The following RIMS2 variants were observed in gnomAD, a reference collection of about 807,000 sequenced individuals.
The protein encoded by RIMS2 is regulating synaptic membrane exocytosis 2.
RIMS2 carries 59 observed loss-of-function variants against 174.4 expected under a neutral mutation model. The ratio of observed to expected loss-of-function variants is 0.34; its 90% confidence interval spans 0.27 to 0.42. The LOEUF is 0.42. Among genes scored for constraint, RIMS2 ranks in the 10% least tolerant of loss-of-function variants. The pLI, the probability that RIMS2 is intolerant of heterozygous loss-of-function variation, is 1.00. For missense variants in RIMS2, 1,620 were observed against 1,666.3 expected (o/e 0.97, Z 0.48); for synonymous variants, 606 against 572.5 (o/e 1.06, Z -0.84).
At chr8:103,856,261 A>T (rs553482252) in intron 3 of RIMS2, among the ~76,000 whole-genome samples, 4 of 152,168 alleles carry the variant, frequency 2.6e-5, no homozygotes, top group Non-Finnish European at 5.9e-5. Context: ...ACAGTGGTAC[A>T]GTGGTAAATC....
intron 16 of RIMS2, among the ~76,000 whole-genome samples, chr8:103,980,173 T>G (rs1476900477): frequency 6.6e-6 from 1 of 152,104 alleles, no homozygotes; most frequent in Non-Finnish European, 1.5e-5. Context: ...TTAAAGTGTC[T>G]CTTTCCTTCT....
chr8:103,661,445 T>C (rs901925752), intron 1 of RIMS2, among the ~76,000 whole-genome samples: 1 of 152,214 alleles, frequency 6.6e-6, no homozygotes, highest in South Asian at 2.1e-4. Context: ...ATATTAAAGC[T>C]AGTTGCTCTC....
chr8:103,774,854 G>A (rs1564587920), intron 3 of RIMS2, among the ~76,000 whole-genome samples: 1 of 151,964 alleles, frequency 6.6e-6, no homozygotes, highest in East Asian at 1.9e-4. Flanking sequence ...CTACTATAGC[G>A]GTAACGTTTA....
chr8:103,778,777 G>A (rs565413605), intron 3 of RIMS2, among the ~76,000 whole-genome samples: 1 of 152,178 alleles, frequency 6.6e-6, no homozygotes, highest in African/African-American at 2.4e-5. Context: ...CAGTAGTGCA[G>A]TTGCTGGATC....
chr8:103,541,579 G>T (rs1272642027), intron 1 of RIMS2, among the ~76,000 whole-genome samples: 1 of 152,152 alleles, frequency 6.6e-6, no homozygotes, highest in East Asian at 1.9e-4. Context: ...AAATGAGAAG[G>T]GTGCTAACTA....
At chr8:104,124,680 A>G (rs903394029) in intron 19 of RIMS2, among the ~76,000 whole-genome samples, 9 of 152,172 alleles carry the variant, frequency 5.9e-5, no homozygotes, top group African/African-American at 2.2e-4. Flanking sequence ...TGTATACTTC[A>G]TATGCTCTTC....
At chr8:104,054,889 A>G (rs1031820448) in intron 19 of RIMS2, among the ~76,000 whole-genome samples, 2 of 152,160 alleles carry the variant, frequency 1.3e-5, no homozygotes, top group African/African-American at 4.8e-5. Flanking sequence ...AATATTTTAT[A>G]ACATCATTGA....
chr8:103,587,394 A>G (rs1215064125), intron 1 of RIMS2, among the ~76,000 whole-genome samples: 1 of 149,970 alleles, frequency 6.7e-6, no homozygotes, highest in Non-Finnish European at 1.5e-5. Flanking sequence ...CCAAAGACAC[A>G]TCAGGAAGAA....
At chr8:103,666,798 G>C (rs1471033212) in intron 1 of RIMS2, among the ~76,000 whole-genome samples, 1 of 152,044 alleles carries the variant, frequency 6.6e-6, no homozygotes, top group Non-Finnish European at 1.5e-5. Context: ...TTTTTACGTA[G>C]GTGAGAGTGT....
At chr8:103,844,276 A>G (rs974174632) in intron 3 of RIMS2, among the ~76,000 whole-genome samples, 3 of 152,204 alleles carry the variant, frequency 2.0e-5, no homozygotes, top group Admixed American at 1.3e-4. Flanking sequence ...ACCAATTTTT[A>G]TAAGGTAATA....
At chr8:104,139,439 T>C (rs558183721) in intron 19 of RIMS2, among the ~76,000 whole-genome samples, 2 of 152,274 alleles carry the variant, frequency 1.3e-5, no homozygotes, top group South Asian at 4.1e-4. Flanking sequence ...CAATTTCTCC[T>C]GTCAGTGTTT....
chr8:103,746,310 C>A (rs79833073), intron 2 of RIMS2, among the ~76,000 whole-genome samples: 4,758 of 151,856 alleles, frequency 0.031, 247 homozygotes, highest in African/African-American at 0.11. Flanking sequence ...GTATGTCTAT[C>A]CTTATGCCAA....
chr8:103,839,168 C>T lies in RIMS2; in HGVS notation c.699-46130C>T, dbSNP rs567995027. Among the ~76,000 whole-genome samples, 17 of 152,304 alleles carry T rather than the reference C, an allele frequency of 1.1e-4. 1 individual carries two copies. The highest frequency in any genetic ancestry group is 1.1e-3 in the Admixed American group (17 of 15,304). On this transcript the variant is annotated intron_variant, in intron 3 of 23. Transcript: ENST00000504942. ...ACATATTCATTGTGTTATTTTAAAGCTCTTCTCTGCTAGTTGCAACATTCT... is the reference window on the plus strand; with the variant it reads ...ACATATTCATTGTGTTATTTTAAAGTTCTTCTCTGCTAGTTGCAACATTCT...
At chr8:104,149,268 G>C (rs2134004931) in intron 19 of RIMS2, among the ~76,000 whole-genome samples, 1 of 152,314 alleles carries the variant, frequency 6.6e-6, no homozygotes, top group South Asian at 2.1e-4. Flanking sequence ...GAATAATACA[G>C]TTCTTGTTTT....
At chr8:103,672,412 G>T (rs2096755872) in intron 1 of RIMS2, among the ~76,000 whole-genome samples, 1 of 151,760 alleles carries the variant, frequency 6.6e-6, no homozygotes, top group African/African-American at 2.4e-5. Context: ...GTTTTAATTG[G>T]CTCACAGTTC....
chr8:103,924,338 A>G (rs904856122), intron 10 of RIMS2, among the ~76,000 whole-genome samples: 3 of 151,648 alleles, frequency 2.0e-5, no homozygotes, highest in Non-Finnish European at 4.4e-5. Flanking sequence ...CCTTCATGTA[A>G]TTTATGAATT....
chr8:103,795,562 T>C (rs897555192), intron 3 of RIMS2, among the ~76,000 whole-genome samples: 2 of 152,028 alleles, frequency 1.3e-5, no homozygotes, highest in African/African-American at 2.4e-5. Flanking sequence ...ACATGTATCC[T>C]AGAAATTAAA....
chr8:103,534,293 C>T (rs1838781653), intron 1 of RIMS2, among the ~76,000 whole-genome samples: 1 of 152,198 alleles, frequency 6.6e-6, no homozygotes, highest in Non-Finnish European at 1.5e-5. Context: ...CATTCCCACA[C>T]AGATTTTCAG....
chr8:103,624,238 C>T (rs1414210230), intron 1 of RIMS2, among the ~76,000 whole-genome samples: 1 of 152,124 alleles, frequency 6.6e-6, no homozygotes, highest in Non-Finnish European at 1.5e-5. Context: ...AATTGCCCTG[C>T]CAATGTGTGT....
Sources: gnomAD v4.1 joint callset for allele counts (sites outside exome capture counted in the v4.1 genomes callset) on GRCh38, gnomAD v4.1.1 for gene constraint, MANE v1.5 for transcripts, NCBI Gene and HGNC (gene_info 2026-07-23, HGNC 2026-07-21) for gene names.